AKAP13: variants seen among roughly 807,000 people sequenced by gnomAD.
The protein encoded by AKAP13 is A-kinase anchor protein 13.
In AKAP13, 80 loss-of-function variants were observed where a neutral mutation model predicts 264.5. The ratio of observed to expected loss-of-function variants is 0.30; its 90% CI spans 0.25 to 0.36. The LOEUF (loss-of-function observed/expected upper bound fraction) is 0.36. Ranked by LOEUF, AKAP13 falls within the 10% of genes least tolerant of loss-of-function variation. AKAP13 has a pLI of 1.00. For missense variants in AKAP13, 3,712 were observed against 3,435.2 expected, an observed-to-expected ratio of 1.08 and a Z score of -2.01; for synonymous variants, 1,380 against 1,250.2, an observed-to-expected ratio of 1.10 and a Z score of -2.19.
chr15:85,595,631 T>TACA (rs1394048672), intron 8 of AKAP13, among the ~76,000 whole-genome samples: 1 of 152,248 alleles, frequency 6.6e-6, no homozygotes, highest in African/African-American at 2.4e-5. Context: ...ACCCATGTTG[T>TACA]ACCACAGGTG....
In AKAP13 at chr15:85,585,780, T is replaced by TTCAATTTCTGAAGA; in HGVS notation, c.4118_4119insTCAATTTCTGAAGA (p.Ala1374GlnfsTer9). 6.2e-7 allele frequency: 1 copy of TTCAATTTCTGAAGA among 1,614,144 alleles called. No homozygotes were observed. Among genetic ancestry groups the TTCAATTTCTGAAGA allele is most frequent in the Non-Finnish European group, 8.5e-7 (1 of 1,179,982 alleles). The stretch of plus-strand genomic sequence containing the variant: ...TCTGAAGAAGTGGCTGTAGGGAGCA[T>TTCAATTTCTGAAGA]AGCTGCTACACTGAAGATGAAGCAA... On this transcript the variant is annotated frameshift_variant, in exon 8 of 37. Transcript: ENST00000394518. LOFTEE classifies it high-confidence loss of function.
intron 1 of AKAP13, among the ~76,000 whole-genome samples, chr15:85,388,666 T>C (rs1478337126): frequency 3.3e-5 from 5 of 152,350 alleles, no homozygotes; most frequent in Non-Finnish European, 7.3e-5. Context: ...TGAAATAGCT[T>C]TGCATTCTTG....
rs1247645529 is a variant in AKAP13, at chr15:85,715,857, T to C, written c.5669T>C (p.Phe1890Ser). Residue 1890 changes from phenylalanine (F) to serine (S), a missense_variant, in exon 20 of 37, where the codon TTT (phenylalanine) becomes TCT (serine). This residue lies in a region of AKAP13 where 2,759 missense variants were observed against 2,411.7 expected (regional missense o/e 1.14). Transcript: ENST00000394518. Reference protein sequence around the residue: ...LVDETATTPIFANRRSQQSVS... With the variant: ...LVDETATTPISANRRSQQSVS... The stretch of plus-strand genomic sequence containing the variant: ...GATGAAACCGCTACCACCCCAATAT[T>C]TGCCAATAGACGATCCCAGCAGAGT... The C allele has an allele frequency of 9.3e-6, 15 of 1,613,486 alleles. No homozygotes were observed. The highest frequency in any genetic ancestry group is 1.3e-5 in the Non-Finnish European group (15 of 1,179,878).
At chr15:85,712,813 G>T (rs1597146151) in intron 19 of AKAP13, among the ~76,000 whole-genome samples, 2 of 152,284 alleles carry the variant, frequency 1.3e-5, no homozygotes, top group East Asian at 3.9e-4. Context: ...CAAAGTGCTG[G>T]GATTATAGGC....
chr15:85,533,969 A>G, intron 4 of AKAP13, 89 bp downstream of exon 4: 1 of 1,362,524 alleles, frequency 7.3e-7, no homozygotes, highest in East Asian at 2.4e-5. Flanking sequence ...TGGTCATCAT[A>G]TTCAGGTCTT....
Position 85,728,000 on chromosome 15 carries a change from C to T in AKAP13, c.7087+537C>T, listed in dbSNP as rs2087720416. The stretch of plus-strand genomic sequence containing the variant: ...TTGTGTAGTCTTGTCAGTATCCCTG[C>T]AACACAGGCATTCTAATCCCCATTG... On this transcript the variant is annotated intron_variant, in intron 29 of 36. Coordinates refer to ENST00000394518, the MANE Select transcript of AKAP13 (RefSeq NM_007200.5). The surrounding 1 kb of genome is among the most constrained non-coding windows in gnomAD (Gnocchi z 5.3). Among the ~76,000 whole-genome samples the T allele has an allele frequency of 6.6e-6, 1 of 152,128 alleles. No individual in the cohort carries two copies. The highest frequency in any genetic ancestry group is 1.5e-5 in the Non-Finnish European group (1 of 68,022).
chr15:85,483,518 G>T (rs34292280), intron 1 of AKAP13, among the ~76,000 whole-genome samples: 1 of 145,570 alleles, frequency 6.9e-6, no homozygotes, highest in African/African-American at 2.8e-5. Flanking sequence ...CCCAGCTACT[G>T]GGGAGGCTGA....
At chr15:85,414,032 C>A (rs771801504) in intron 1 of AKAP13, among the ~76,000 whole-genome samples, 1 of 152,106 alleles carries the variant, frequency 6.6e-6, no homozygotes, top group African/African-American at 2.4e-5. Flanking sequence ...AATGAGAGTA[C>A]CTGTTATAGC....
At chr15:85,391,750 G>T (rs2070868008) in intron 1 of AKAP13, among the ~76,000 whole-genome samples, 1 of 151,702 alleles carries the variant, frequency 6.6e-6, no homozygotes, top group Non-Finnish European at 1.5e-5. Context: ...CTCCCAAAGT[G>T]CTGGGATCAT....
At chr15:85,559,079 C>T (rs930954282) in intron 5 of AKAP13, among the ~76,000 whole-genome samples, 1 of 151,936 alleles carries the variant, frequency 6.6e-6, no homozygotes, top group South Asian at 2.1e-4. Context: ...GTAAGCAATT[C>T]TCTTTTTTCC....
intron 2 of AKAP13, among the ~76,000 whole-genome samples, chr15:85,502,300 C>T (rs1310502687): frequency 6.6e-6 from 1 of 152,170 alleles, no homozygotes; most frequent in Non-Finnish European, 1.5e-5. Flanking sequence ...CAGGATTTTT[C>T]ATGAGCACTA....
chr15:85,489,388 A>G lies in AKAP13; in HGVS notation c.33+3635A>G, dbSNP rs374609824. On this transcript the variant is annotated intron_variant, in intron 2 of 36. Transcript: ENST00000394518. ...GTATGTCCATCAACAGTAATACTTA[A>G]TGGGGCAATATGTTATCTCCTTTTT... 7.2e-5 allele frequency among the ~76,000 whole-genome samples: 11 copies of G among 152,334 alleles called. 1 individual carries two copies. The East Asian group carries it at 1.3e-3, about 19-fold the overall frequency.
chr15:85,598,255 A>G lies in AKAP13; in HGVS notation c.4161+12432A>G, dbSNP rs373050505. On this transcript the variant is annotated intron_variant, in intron 8 of 36. Transcript: ENST00000394518. ...CTCAGCCACCCACAGGCCTCTTGCA[A>G]TTGGGCCTAGGCCTGGTCCATTCTG... is the stretch of plus-strand genomic sequence containing the variant. Among the ~76,000 whole-genome samples, 13 of 152,236 alleles carry G rather than the reference A, an allele frequency of 8.5e-5. No homozygotes were observed. The East Asian group carries it at 2.1e-3, about 25-fold the overall frequency.
At chr15:85,506,964 T>C (rs2076244528) in intron 2 of AKAP13, among the ~76,000 whole-genome samples, 1 of 152,222 alleles carries the variant, frequency 6.6e-6, no homozygotes, top group Non-Finnish European at 1.5e-5. Flanking sequence ...GGAGTGACTT[T>C]ATCTCTTGTC....
At chr15:85,670,735 A>T (rs1482356996) in intron 14 of AKAP13, 2 of 152,082 alleles carry the variant, frequency 1.3e-5, no homozygotes, top group Non-Finnish European at 2.9e-5. Context: ...CTCAAGAAGG[A>T]CAAAGCAAGA....
chr15:85,511,831 T>G (rs719138), intron 2 of AKAP13, among the ~76,000 whole-genome samples: 38,629 of 152,108 alleles, frequency 0.25, 6,494 homozygotes, highest in Middle Eastern at 0.4. Context: ...ACATTTATTA[T>G]TTTTTTAGAT....
intron 1 of AKAP13, among the ~76,000 whole-genome samples, chr15:85,384,443 G>A (rs1470565069): frequency 4.6e-5 from 7 of 152,112 alleles, no homozygotes; most frequent in African/African-American, 1.4e-4. Flanking sequence ...ATAGCCTGGC[G>A]CAGTGGCTCA....
At chr15:85,650,788 A>C (rs868507312) in intron 10 of AKAP13, among the ~76,000 whole-genome samples, 376 of 125,032 alleles carry the variant, frequency 3.0e-3, no homozygotes, top group African/African-American at 4.4e-3. Flanking sequence ...AAAAAAAAAA[A>C]AACAACAAAA....
At chr15:85,441,540 A>T (rs928350701) in intron 1 of AKAP13, among the ~76,000 whole-genome samples, 7 of 151,966 alleles carry the variant, frequency 4.6e-5, no homozygotes, top group Non-Finnish European at 2.9e-5. Context: ...TCTTTTATGG[A>T]TCATACATTT....
Sources: gnomAD v4.1 joint callset for allele counts (sites outside exome capture counted in the v4.1 genomes callset) on GRCh38, gnomAD v4.1.1 for gene constraint, gnomAD v4.1.1 regional missense constraint, Gnocchi (gnomAD v3.1) non-coding constraint, MANE v1.5 for transcripts, NCBI Gene and HGNC (gene_info 2026-07-23, HGNC 2026-07-21) for gene names.